The following SLC25A21 variants were observed in gnomAD, a reference collection of about 807,000 sequenced individuals.
The protein encoded by SLC25A21 is solute carrier family 25 member 21, also known as mitochondrial 2-oxodicarboxylate carrier.
SLC25A21 carries 47 observed loss-of-function variants against 43.8 expected under a neutral mutation model. The ratio of observed to expected loss-of-function variants is 1.07; its 90% confidence interval spans 0.85 to 1.37. The LOEUF (loss-of-function observed/expected upper bound fraction) is 1.37. Among genes scored for constraint, SLC25A21 ranks in the 40% most tolerant of loss-of-function variants. The pLI is 0.00. For missense variants in SLC25A21, 352 were observed against 350.2 expected (o/e 1.00, Z -0.04); for synonymous variants, 131 against 121.3 (o/e 1.08, Z -0.52).
chr14:37,070,406 T>G (rs1346111089), intron 1 of SLC25A21, among the ~76,000 whole-genome samples: 1 of 152,220 alleles, frequency 6.6e-6, no homozygotes, highest in African/African-American at 2.4e-5. Context: ...TAGACCTCTT[T>G]TAAACTTCTG....
intron 1 of SLC25A21, among the ~76,000 whole-genome samples, chr14:36,891,091 G>A (rs571591435): frequency 1.6e-4 from 25 of 152,048 alleles, no homozygotes; most frequent in Non-Finnish European, 2.1e-4. Context: ...AGATACCAAC[G>A]AATGAAAAAC....
intron 1 of SLC25A21, among the ~76,000 whole-genome samples, chr14:37,093,329 T>C (rs1188183823): frequency 1.3e-5 from 2 of 152,216 alleles, no homozygotes. Flanking sequence ...TTATGAATAC[T>C]TTTTCTTTAG....
chr14:36,714,854 A>G (rs1400633516), intron 6 of SLC25A21, among the ~76,000 whole-genome samples: 1 of 152,138 alleles, frequency 6.6e-6, no homozygotes, highest in Non-Finnish European at 1.5e-5. Flanking sequence ...CAGAGTTCCA[A>G]CTGAGGTTCC....
chr14:36,940,411 C>A, intron 1 of SLC25A21, among the ~76,000 whole-genome samples: 1 of 151,742 alleles, frequency 6.6e-6, no homozygotes. Flanking sequence ...AATCAAAACT[C>A]CTAAAAATAG....
intron 1 of SLC25A21, among the ~76,000 whole-genome samples, chr14:37,141,858 A>C (rs1963577108): frequency 1.3e-5 from 2 of 152,340 alleles, no homozygotes; most frequent in South Asian, 4.1e-4. Flanking sequence ...TACAGGCTCC[A>C]TCCTCAAGGA....
chr14:37,041,781 G>A (rs1961477970), intron 1 of SLC25A21, among the ~76,000 whole-genome samples: 1 of 152,154 alleles, frequency 6.6e-6, no homozygotes, highest in African/African-American at 2.4e-5. Context: ...GTAGAATTTA[G>A]CAGATGACAA....
rs182826684 is a variant in SLC25A21 at position 37,105,023 on chromosome 14, T to A, written c.70+67258A>T. ...GATCCATAAGCATTTCCAGAGGTGC[T>A]GATTCAACTTATTTTTCTTTATGTT... On this transcript the variant is annotated intron_variant, in intron 1 of 9. Coordinates refer to ENST00000331299, the MANE Select transcript of SLC25A21 (RefSeq NM_030631.4). Among the ~76,000 whole-genome samples the A allele has an allele frequency of 4.9e-4, 75 of 152,348 alleles. 1 individual carries two copies. The East Asian group carries it at 0.014, about 29-fold the overall frequency.
At chr14:37,026,467 G>T (rs1476794847) in intron 1 of SLC25A21, among the ~76,000 whole-genome samples, 1 of 152,076 alleles carries the variant, frequency 6.6e-6, no homozygotes. Flanking sequence ...GCCACCAACT[G>T]TAAATTCCAC....
chr14:36,837,092 G>T (rs896391392), intron 2 of SLC25A21, among the ~76,000 whole-genome samples: 1 of 152,110 alleles, frequency 6.6e-6, no homozygotes, highest in East Asian at 1.9e-4. Context: ...TAGACAGGAA[G>T]GCATGCCACC....
At chr14:37,130,986 C>T (rs1041781537) in intron 1 of SLC25A21, among the ~76,000 whole-genome samples, 4 of 152,112 alleles carry the variant, frequency 2.6e-5, no homozygotes, top group African/African-American at 9.7e-5. Context: ...GTTAAATGCC[C>T]CACCACTGGG....
chr14:37,034,085 C>T (rs1487351816), intron 1 of SLC25A21, among the ~76,000 whole-genome samples: 3 of 151,880 alleles, frequency 2.0e-5, no homozygotes, highest in Non-Finnish European at 4.4e-5. Flanking sequence ...GGCGCAATCT[C>T]GGCCCACTGC....
chr14:36,729,603 T>C (rs1161780829), intron 4 of SLC25A21, 37 bp from the exon 5 acceptor site: 2 of 1,563,076 alleles, frequency 1.3e-6, no homozygotes, highest in Non-Finnish European at 1.7e-6. Flanking sequence ...TTTATAACAA[T>C]TTTCCTGCAA....
chr14:37,116,392 T>C (rs770978728), intron 1 of SLC25A21, among the ~76,000 whole-genome samples: 8 of 152,186 alleles, frequency 5.3e-5, no homozygotes, highest in Non-Finnish European at 1.0e-4. Flanking sequence ...GATACAATGG[T>C]ACTACAAGGC....
chr14:36,980,415 T>G (rs1377099170), intron 1 of SLC25A21, among the ~76,000 whole-genome samples: 1 of 152,236 alleles, frequency 6.6e-6, no homozygotes, highest in Non-Finnish European at 1.5e-5. Context: ...TTACACATAG[T>G]CCCATATTTC....
At chr14:37,158,886 T>C (rs1027687301) in intron 1 of SLC25A21, among the ~76,000 whole-genome samples, 1 of 152,150 alleles carries the variant, frequency 6.6e-6, no homozygotes, top group Non-Finnish European at 1.5e-5. Flanking sequence ...TGTAGTAAAC[T>C]TTCAGGATAC....
chr14:36,958,447 A>G (rs1959397397), intron 1 of SLC25A21, among the ~76,000 whole-genome samples: 1 of 152,238 alleles, frequency 6.6e-6, no homozygotes, highest in African/African-American at 2.4e-5. Flanking sequence ...CTTTGAAGTT[A>G]TCCTGCAGGT....
At chr14:36,742,411 C>G (rs557772499) in intron 3 of SLC25A21, among the ~76,000 whole-genome samples, 1 of 152,330 alleles carries the variant, frequency 6.6e-6, no homozygotes, top group East Asian at 1.9e-4. Flanking sequence ...ACACTACACA[C>G]TACACACTAC....
chr14:37,091,710 T>G (rs1962589955), intron 1 of SLC25A21, among the ~76,000 whole-genome samples: 1 of 152,114 alleles, frequency 6.6e-6, no homozygotes, highest in Non-Finnish European at 1.5e-5. Flanking sequence ...ACAAACAAAT[T>G]TCAGCAAGTA....
chr14:36,897,580 G>A (rs1891279969), intron 1 of SLC25A21, among the ~76,000 whole-genome samples: 1 of 152,190 alleles, frequency 6.6e-6, no homozygotes, highest in African/African-American at 2.4e-5. Flanking sequence ...TGCTGGTGAG[G>A]AGCTGCATTC....
Sources: gnomAD v4.1 joint callset for allele counts (sites outside exome capture counted in the v4.1 genomes callset) on GRCh38, gnomAD v4.1.1 for gene constraint, MANE v1.5 for transcripts, NCBI Gene and HGNC (gene_info 2026-07-23, HGNC 2026-07-21) for gene names.